Variants in CCSER1 observed in about 807,000 individuals in gnomAD.
The protein encoded by CCSER1 is serine-rich coiled-coil domain-containing protein 1.
A neutral mutation model predicts 82.0 loss-of-function variants in CCSER1; 41 were observed. The ratio of observed to expected loss-of-function variants is 0.50; its 90% CI spans 0.39 to 0.65. The LOEUF (loss-of-function observed/expected upper bound fraction) is 0.65. Ranked by LOEUF, CCSER1 falls within the 30% of genes least tolerant of loss-of-function variation. CCSER1 has a pLI of 0.00. For missense variants in CCSER1, 1,119 were observed against 1,064.2 expected (o/e 1.05, Z -0.72); for synonymous variants, 414 against 383.9 (o/e 1.08, Z -0.92).
At chr4:90,702,466 T>C (rs553569448) in intron 6 of CCSER1, among the ~76,000 whole-genome samples, 3 of 152,310 alleles carry the variant, frequency 2.0e-5, no homozygotes, top group African/African-American at 4.8e-5. Context: ...GGCTTTGGTA[T>C]CAGGATGATG....
chr4:90,917,624 G>A (rs533106659), intron 8 of CCSER1, among the ~76,000 whole-genome samples: 39 of 152,028 alleles, frequency 2.6e-4, no homozygotes, highest in African/African-American at 8.9e-4. Flanking sequence ...TAACAAACCT[G>A]CACTTTGTGC....
At chr4:91,071,048 T>C (rs1447948105) in intron 9 of CCSER1, among the ~76,000 whole-genome samples, 1 of 152,210 alleles carries the variant, frequency 6.6e-6, no homozygotes, top group Non-Finnish European at 1.5e-5. Context: ...ATATTACTTA[T>C]GGATCTAAAT....
chr4:90,670,045 T>G (rs142556779), intron 6 of CCSER1, among the ~76,000 whole-genome samples: 20 of 152,166 alleles, frequency 1.3e-4, no homozygotes, highest in Non-Finnish European at 2.2e-4. Context: ...TCCACAATTA[T>G]GATCTCTAGC....
intron 10 of CCSER1, among the ~76,000 whole-genome samples, chr4:91,340,237 A>C (rs2149286703): frequency 6.6e-6 from 1 of 152,346 alleles, no homozygotes; most frequent in Non-Finnish European, 1.5e-5. Flanking sequence ...ATGTGGTCTA[A>C]TTCTCTCAAA....
chr4:90,879,085 TG>T (rs1720812908), intron 8 of CCSER1, among the ~76,000 whole-genome samples: 2 of 152,208 alleles, frequency 1.3e-5, no homozygotes, highest in Non-Finnish European at 2.9e-5. Flanking sequence ...GAGCATTCAG[TG>T]TGTTTGAACA....
At chr4:91,069,962 A>G (rs768762229) in intron 9 of CCSER1, among the ~76,000 whole-genome samples, 3 of 150,982 alleles carry the variant, frequency 2.0e-5, no homozygotes, top group Non-Finnish European at 2.9e-5. Flanking sequence ...ATAGAGTCAG[A>G]CTTTCTTAAG....
chr4:91,135,342 C>T (rs191501255), intron 10 of CCSER1, among the ~76,000 whole-genome samples: 173 of 152,198 alleles, frequency 1.1e-3, no homozygotes, highest in African/African-American at 4.0e-3. Context: ...GATTTAGGAA[C>T]TGCTTACAGT....
At chr4:91,105,112 G>A (rs1725470924) in intron 10 of CCSER1, among the ~76,000 whole-genome samples, 1 of 151,458 alleles carries the variant, frequency 6.6e-6, no homozygotes, top group African/African-American at 2.4e-5. Flanking sequence ...TTCATATAGA[G>A]TTTAGCTCCC....
chr4:90,411,407 A>T (rs1386446425), intron 4 of CCSER1, among the ~76,000 whole-genome samples: 3 of 152,342 alleles, frequency 2.0e-5, no homozygotes, highest in Admixed American at 2.0e-4. Flanking sequence ...CCAGCAACAC[A>T]TCAAAATCTT....
chr4:90,891,166 TAATC>T lies in CCSER1; in HGVS notation c.2095-32201_2095-32198del, dbSNP rs977089060. On this transcript the variant is annotated intron_variant, in intron 8 of 10. Transcript: ENST00000509176. ...AAAGCAAATAATAAAAATATATAAA[TAATC>T]AAACTAAAATAAATAAAAAACCAAG... Among the ~76,000 whole-genome samples, 452 of 151,850 alleles carry T rather than the reference TAATC, an allele frequency of 3.0e-3. 11 individuals are homozygous for T. The highest frequency in any genetic ancestry group is 9.0e-4 in the Non-Finnish European group (61 of 67,870).
intron 5 of CCSER1, among the ~76,000 whole-genome samples, chr4:90,540,919 A>G (rs1343773150): frequency 6.6e-6 from 1 of 152,150 alleles, no homozygotes; most frequent in African/African-American, 2.4e-5. Flanking sequence ...TGATTAAAAT[A>G]TTATGATCAT....
At chr4:90,322,497 A>AT (rs1737351775) in intron 3 of CCSER1, among the ~76,000 whole-genome samples, 2 of 151,998 alleles carry the variant, frequency 1.3e-5, no homozygotes, top group South Asian at 4.1e-4. Flanking sequence ...TTTTAGGATC[A>AT]TTTTTCTATA....
intron 5 of CCSER1, among the ~76,000 whole-genome samples, chr4:90,481,520 G>A (rs115347424): frequency 5.6e-4 from 85 of 152,108 alleles, no homozygotes; most frequent in African/African-American, 1.7e-3. Flanking sequence ...CATAGAAAGC[G>A]CTTATTATTT....
At chr4:91,102,750 C>T (rs1174358267) in intron 10 of CCSER1, among the ~76,000 whole-genome samples, 1 of 152,156 alleles carries the variant, frequency 6.6e-6, no homozygotes, top group Non-Finnish European at 1.5e-5. Context: ...TTATTTCTTG[C>T]TCTTTAACTA....
rs189278153 is a variant in CCSER1 at position 91,505,972 on chromosome 4, C to T, written c.2218-92600C>T. ...CATTTGTCAATTTTTGCTTTTGTTGCAATTGCTTTTGATGTTTTTGTCATG... is the reference window on the plus strand; with the variant it reads ...CATTTGTCAATTTTTGCTTTTGTTGTAATTGCTTTTGATGTTTTTGTCATG... On this transcript the variant is annotated intron_variant, in intron 10 of 10. Transcript: ENST00000509176. 1.9e-3 allele frequency among the ~76,000 whole-genome samples: 291 copies of T among 152,224 alleles called. 1 individual carries two copies. The Middle Eastern group carries it at 0.02, about 11-fold the overall frequency.
intron 10 of CCSER1, among the ~76,000 whole-genome samples, chr4:91,341,425 C>CA (rs780467521): frequency 2.6e-5 from 4 of 152,048 alleles, no homozygotes; most frequent in Non-Finnish European, 5.9e-5. Context: ...TAACTAACTA[C>CA]AATTAACATT....
intron 10 of CCSER1, among the ~76,000 whole-genome samples, chr4:91,278,030 G>A (rs138268863): frequency 0.016 from 2,506 of 151,912 alleles, 33 homozygotes; most frequent in Non-Finnish European, 0.027. Context: ...TTATTCTATG[G>A]TGGCCTGAGA....
intron 5 of CCSER1, among the ~76,000 whole-genome samples, chr4:90,581,432 G>A (rs1781403925): frequency 6.6e-6 from 1 of 152,134 alleles, no homozygotes; most frequent in South Asian, 2.1e-4. Context: ...AGACGGAAAG[G>A]AAGGAAGACT....
chr4:91,357,060 T>G (rs1748884241), intron 10 of CCSER1, among the ~76,000 whole-genome samples: 1 of 152,210 alleles, frequency 6.6e-6, no homozygotes, highest in African/African-American at 2.4e-5. Context: ...ATCCAGGCAT[T>G]TGTATCTTGG....
Sources: allele counts gnomAD v4.1 joint callset (sites outside exome capture counted in the v4.1 genomes callset), GRCh38; gene constraint gnomAD v4.1.1; transcripts MANE v1.5; gene names NCBI Gene and HGNC (gene_info 2026-07-23, HGNC 2026-07-21).